The following SLC35F1 variants were observed in gnomAD, a reference collection of about 807,000 sequenced individuals.
SLC35F1 encodes the protein solute carrier family 35 member F1.
A neutral mutation model predicts 48.7 loss-of-function variants in SLC35F1; 14 were observed. The ratio of observed to expected loss-of-function variants is 0.29; its 90% confidence interval spans 0.19 to 0.45. SLC35F1 has a LOEUF of 0.45. SLC35F1 is among the 20% of genes least tolerant of loss of function. The pLI is 1.00. For synonymous variants in SLC35F1, 190 were observed against 202.2 expected, an observed-to-expected ratio of 0.94 and a Z score of 0.51; for missense variants, 404 against 500.0, an observed-to-expected ratio of 0.81 and a Z score of 1.83.
At chr6:118,018,371 G>A (rs1405953660) in intron 1 of SLC35F1, among the ~76,000 whole-genome samples, 4 of 150,180 alleles carry the variant, frequency 2.7e-5, no homozygotes, top group Non-Finnish European at 3.0e-5. Context: ...ACTCTGTCTC[G>A]GAAAAAAAAA....
At chr6:118,244,589 A>G (rs1775484042) in intron 3 of SLC35F1, among the ~76,000 whole-genome samples, 2 of 152,270 alleles carry the variant, frequency 1.3e-5, no homozygotes, top group South Asian at 4.1e-4. Context: ...TGTAACAGCC[A>G]TGTTTGCAAG....
At chr6:118,264,726 A>G (rs1229655259) in intron 3 of SLC35F1, among the ~76,000 whole-genome samples, 1 of 152,242 alleles carries the variant, frequency 6.6e-6, no homozygotes, top group Non-Finnish European at 1.5e-5. Flanking sequence ...GTGCAGCTAA[A>G]TATTTCAACT....
intron 1 of SLC35F1, among the ~76,000 whole-genome samples, chr6:118,145,687 T>C (rs1257595998): frequency 6.6e-6 from 1 of 152,168 alleles, no homozygotes; most frequent in East Asian, 1.9e-4. Context: ...GTATACAGTA[T>C]ACCTTAAGAT....
intron 1 of SLC35F1, among the ~76,000 whole-genome samples, chr6:117,957,659 C>G (rs1776443691): frequency 1.3e-5 from 2 of 152,008 alleles, no homozygotes; most frequent in Admixed American, 1.3e-4. Context: ...TACAGTGGTC[C>G]CATAAGATCA....
chr6:118,021,596 A>T (rs1177115125), intron 1 of SLC35F1, among the ~76,000 whole-genome samples: 1 of 152,088 alleles, frequency 6.6e-6, no homozygotes, highest in Admixed American at 6.5e-5. Context: ...CTTGCTAAGG[A>T]TGGTTAGTGT....
intron 1 of SLC35F1, among the ~76,000 whole-genome samples, chr6:118,040,911 A>C (rs1234872121): frequency 1.3e-5 from 1 of 78,996 alleles, no homozygotes; most frequent in African/African-American, 3.2e-5. Context: ...CCAAACAAAT[A>C]AACATTTGTT....
intron 1 of SLC35F1, among the ~76,000 whole-genome samples, chr6:118,049,069 A>C (rs990769122): frequency 1.3e-5 from 2 of 152,174 alleles, no homozygotes; most frequent in African/African-American, 4.8e-5. Flanking sequence ...GCATATCTAC[A>C]ACCATCTGAT....
chr6:117,998,422 G>T (rs1489806601), intron 1 of SLC35F1, among the ~76,000 whole-genome samples: 1 of 152,066 alleles, frequency 6.6e-6, no homozygotes, highest in East Asian at 1.9e-4. Flanking sequence ...GCACCAAGTG[G>T]ACCTAATAGA....
chr6:118,241,852 C>T (rs532219287), intron 3 of SLC35F1, among the ~76,000 whole-genome samples: 89 of 152,238 alleles, frequency 5.8e-4, no homozygotes, highest in African/African-American at 2.0e-3. Context: ...TGGCTTTTTT[C>T]ACTAAGCATA....
intron 1 of SLC35F1, among the ~76,000 whole-genome samples, chr6:118,089,175 C>T (rs1289005454): frequency 2.0e-5 from 3 of 152,000 alleles, no homozygotes; most frequent in East Asian, 3.9e-4. Context: ...CTGGCATGAG[C>T]GTTTGATAAC....
intron 2 of SLC35F1, among the ~76,000 whole-genome samples, chr6:118,184,483 C>A (rs1400667504): frequency 6.6e-6 from 1 of 152,206 alleles, no homozygotes; most frequent in South Asian, 2.1e-4. Context: ...AATGCCCTAA[C>A]TCCACTTTTC....
intron 1 of SLC35F1, among the ~76,000 whole-genome samples, chr6:117,977,637 G>A (rs1233818728): frequency 1.3e-5 from 2 of 151,834 alleles, no homozygotes; most frequent in East Asian, 3.9e-4. Context: ...GCTCTTAATA[G>A]TGTAAGACTA....
chr6:118,131,016 C>T (rs1291791724), intron 1 of SLC35F1, among the ~76,000 whole-genome samples: 4 of 152,002 alleles, frequency 2.6e-5, no homozygotes, highest in African/African-American at 9.7e-5. Context: ...CAAGTATTGC[C>T]CTCATACCAC....
chr6:118,199,403 TTTC>T (rs1015675495), intron 2 of SLC35F1, among the ~76,000 whole-genome samples: 7 of 152,210 alleles, frequency 4.6e-5, no homozygotes, highest in Non-Finnish European at 1.0e-4. Context: ...GTCAATAAAT[TTTC>T]TTCTGTAACA....
Position 118,066,658 on chromosome 6 carries a change from T to A in SLC35F1, c.174-87787T>A, listed in dbSNP as rs540498055. On this transcript the variant is annotated intron_variant, in intron 1 of 7. Coordinates refer to ENST00000360388, the MANE Select transcript of SLC35F1 (RefSeq NM_001029858.4). ...AAGCTACTAAATTGGAGGTAATTTG[T>A]TTTGCAGCAAGAGAAAGACTAATAC... 5.3e-5 allele frequency among the ~76,000 whole-genome samples: 8 copies of A among 152,198 alleles called. No individual in the cohort carries two copies. In the East Asian group the frequency reaches 1.5e-3, roughly 29 times the overall value.
At chr6:118,102,811 C>T (rs1243680336) in intron 1 of SLC35F1, among the ~76,000 whole-genome samples, 1 of 152,184 alleles carries the variant, frequency 6.6e-6, no homozygotes, top group Non-Finnish European at 1.5e-5. Context: ...AGGCAAGGGT[C>T]TCAATCCTGA....
At chr6:118,231,782 T>A (rs1298956935) in intron 2 of SLC35F1, among the ~76,000 whole-genome samples, 1 of 152,200 alleles carries the variant, frequency 6.6e-6, no homozygotes, top group African/African-American at 2.4e-5. Flanking sequence ...TTCAGTGCTA[T>A]GTATTGAGAT....
At chr6:117,997,291 C>T (rs1266067691) in intron 1 of SLC35F1, among the ~76,000 whole-genome samples, 3 of 152,198 alleles carry the variant, frequency 2.0e-5, no homozygotes, top group South Asian at 4.1e-4. Context: ...ATCAAATCTA[C>T]GTCTGATTGG....
At chr6:118,063,389 T>G (rs1303334139) in intron 1 of SLC35F1, among the ~76,000 whole-genome samples, 1 of 150,314 alleles carries the variant, frequency 6.7e-6, no homozygotes, top group Non-Finnish European at 1.5e-5. Context: ...TTCCTATGGT[T>G]AAGGCACCAG....
Sources: gnomAD v4.1 joint callset for allele counts (sites outside exome capture counted in the v4.1 genomes callset) on GRCh38, gnomAD v4.1.1 for gene constraint, MANE v1.5 for transcripts, NCBI Gene and HGNC (gene_info 2026-07-23, HGNC 2026-07-21) for gene names.